COG3: variants seen among roughly 807,000 people sequenced by gnomAD.
COG3 encodes component of oligomeric golgi complex 3.
Under a neutral mutation model 114.1 loss-of-function variants are expected in COG3, and 32 were observed. The ratio of observed to expected loss-of-function variants is 0.28; its 90% confidence interval spans 0.21 to 0.38. The LOEUF is 0.38. COG3 is among the 10% of genes least tolerant of loss of function. The pLI is 1.00. For synonymous variants in COG3, 352 were observed against 365.7 expected (o/e 0.96, Z 0.43); for missense variants, 813 against 973.2 (o/e 0.84, Z 2.19).
intron 6 of COG3, 27 bp downstream of exon 6, chr13:45,482,500 T>A: frequency 8.9e-7 from 1 of 1,119,196 alleles, no homozygotes; most frequent in Non-Finnish European, 1.3e-6. Flanking sequence ...TTGCATGTTT[T>A]AAAGAAATCC....
At chr13:45,514,277 T>TA (rs1213091949) in intron 16 of COG3, among the ~76,000 whole-genome samples, 1 of 149,560 alleles carries the variant, frequency 6.7e-6, no homozygotes, top group African/African-American at 2.5e-5. Flanking sequence ...TCTTGTGCCT[T>TA]AGCCACCCAA....
intron 17 of COG3, among the ~76,000 whole-genome samples, chr13:45,517,399 T>G (rs918776020): frequency 5.3e-5 from 8 of 152,202 alleles, no homozygotes; most frequent in African/African-American, 1.9e-4. Flanking sequence ...TAAAACAGTT[T>G]GCTCTATTTC....
intron 22 of COG3, 104 bp from the exon 23 acceptor site, chr13:45,534,598 G>A: frequency 1.5e-6 from 1 of 670,830 alleles, no homozygotes. Context: ...TGTATTGCAT[G>A]ATGCTGAGGT....
chr13:45,465,388 C>T lies in COG3; in HGVS notation c.174+178C>T. ...CCCAGGCTGTCAGGCTTCGCTCTGC[C>T]TGCGACCCCGACTCTAATTCTGCCT... On this transcript the variant is annotated intron_variant, in intron 1 of 22. Coordinates refer to ENST00000349995, the MANE Select transcript of COG3 (RefSeq NM_031431.4). The T allele has an allele frequency of 2.8e-6, 3 of 1,087,566 alleles. No individual in the cohort carries two copies. In the South Asian group the frequency reaches 5.1e-5, roughly 18 times the overall value. 67.4% of individuals were successfully genotyped at this position (1,087,566 alleles called of 1,614,324 possible). A position where few individuals can be genotyped will look rare whatever the true frequency, so the allele number is the denominator to read the frequency against.
In COG3 at chr13:45,503,165, T is replaced by C. The variant is rs532491160; in HGVS notation, c.1489-79T>C. 10 of 536,260 alleles carry C rather than the reference T, an allele frequency of 1.9e-5. No homozygotes were observed. The East Asian group carries it at 3.7e-4, about 20-fold the overall frequency. 33.2% of individuals were successfully genotyped at this position (536,260 alleles called of 1,614,324 possible). A position where few individuals can be genotyped will look rare whatever the true frequency, so the allele number is the denominator to read the frequency against. ...ATGTCAAGTTGAAAATATATATATA[T>C]GTACTTTGTATAAAGAACATGTTCA... On this transcript the variant is annotated intron_variant, in intron 13 of 22. Coordinates refer to ENST00000349995, the MANE Select transcript of COG3 (RefSeq NM_031431.4).
At chr13:45,478,534 G>A (rs371959229) in intron 2 of COG3, among the ~76,000 whole-genome samples, 5 of 149,432 alleles carry the variant, frequency 3.3e-5, no homozygotes, top group African/African-American at 1.2e-4. Flanking sequence ...GTGCAATGGC[G>A]CGATCTCGGC....
At chr13:45,516,370 T>C (rs954526322) in intron 17 of COG3, 107 bp downstream of exon 17, 1 of 942,070 alleles carries the variant, frequency 1.1e-6, no homozygotes, top group African/African-American at 1.6e-5. Flanking sequence ...TTTGCATGCT[T>C]TGCTTGCTAA....
At chr13:45,465,248 G>A (rs750382407) in intron 1 of COG3, 38 bp downstream of exon 1, 5 of 1,604,020 alleles carry the variant, frequency 3.1e-6, no homozygotes, top group Non-Finnish European at 4.3e-6. Context: ...GGGCGATGGG[G>A]CTGGGATTCT....
chr13:45,506,489 A>T (rs148160955), intron 14 of COG3, among the ~76,000 whole-genome samples: 1 of 152,292 alleles, frequency 6.6e-6, no homozygotes, highest in East Asian at 1.9e-4. Flanking sequence ...AAAACTTTAG[A>T]GGTGGAACAG....
At chr13:45,529,964 T>A (rs1566275386) in intron 21 of COG3, 46 bp downstream of exon 21, 1 of 1,568,630 alleles carries the variant, frequency 6.4e-7, no homozygotes, top group Admixed American at 1.9e-5. Context: ...TGACTTCAAG[T>A]ATTCTTTGCC....
intron 14 of COG3, among the ~76,000 whole-genome samples, chr13:45,508,287 A>T (rs1870430996): frequency 1.3e-5 from 2 of 149,840 alleles, no homozygotes; most frequent in African/African-American, 4.9e-5. Flanking sequence ...TATTGAAAAC[A>T]TTCCAAATAT....
At chr13:45,478,451 T>C (rs1886040654) in intron 2 of COG3, among the ~76,000 whole-genome samples, 1 of 151,752 alleles carries the variant, frequency 6.6e-6, no homozygotes, top group African/African-American at 2.4e-5. Flanking sequence ...AGTGCTGAGA[T>C]TACAGGCGTG....
intron 19 of COG3, among the ~76,000 whole-genome samples, chr13:45,523,760 A>G (rs1271499390): frequency 6.6e-6 from 1 of 152,192 alleles, no homozygotes; most frequent in Non-Finnish European, 1.5e-5. Flanking sequence ...AATGACCAGA[A>G]TGTAGATTTA....
chr13:45,475,556 G>C (rs1396955603), intron 1 of COG3, among the ~76,000 whole-genome samples: 1 of 152,152 alleles, frequency 6.6e-6, no homozygotes, highest in Non-Finnish European at 1.5e-5. Flanking sequence ...TAGATACTGG[G>C]GAGGGCAAAC....
chr13:45,514,121 CATAGGCTT>C (rs932077274), intron 16 of COG3, among the ~76,000 whole-genome samples: 10 of 147,458 alleles, frequency 6.8e-5, no homozygotes, highest in African/African-American at 2.2e-4. Context: ...AAAAAAAGTT[CATAGGCTT>C]ATGTCCTCTT....
Position 45,479,056 on chromosome 13 carries a change from A to T in COG3, c.373A>T (p.Thr125Ser). Residue 125 changes from threonine (T) to serine (S), a missense_variant, in exon 3 of 23, where the codon ACT (threonine) becomes TCT (serine). Physicochemically the swap from Thr to Ser is moderately conservative, Grantham distance 58. This residue lies in a region of COG3 where 424 missense variants were observed against 430.6 expected (regional missense o/e 0.98). Transcript: ENST00000349995. ...LQTQMDQDEG[T>S]KYRQMRDYLS... is the part of the protein sequence containing the mutation. Reference sequence around the variant, plus strand: ...AACTCAGATGGATCAAGATGAAGGAACTAAATATAGGTATGTGTGTCTCTT... The same window carrying T: ...AACTCAGATGGATCAAGATGAAGGATCTAAATATAGGTATGTGTGTCTCTT... 1 of 1,608,360 alleles carries T rather than the reference A, an allele frequency of 6.2e-7. No homozygotes were observed.
chr13:45,474,251 G>A (rs1027785430), intron 1 of COG3, among the ~76,000 whole-genome samples: 4 of 141,350 alleles, frequency 2.8e-5, no homozygotes, highest in Non-Finnish European at 6.0e-5. Flanking sequence ...TTCACTTCCC[G>A]GGTTCATGCC....
intron 11 of COG3, among the ~76,000 whole-genome samples, chr13:45,492,523 G>A (rs1429976041): frequency 6.6e-6 from 1 of 151,968 alleles, no homozygotes; most frequent in African/African-American, 2.4e-5. Context: ...CTGTAGCCTC[G>A]GGATCTAGAT....
chr13:45,470,653 G>A (rs1041546883), intron 1 of COG3, among the ~76,000 whole-genome samples: 1 of 152,194 alleles, frequency 6.6e-6, no homozygotes, highest in African/African-American at 2.4e-5. Context: ...ATAGTATCTG[G>A]TGTCACAACT....
Sources: allele counts gnomAD v4.1 joint callset (sites outside exome capture counted in the v4.1 genomes callset), GRCh38; gene constraint gnomAD v4.1.1; regional missense constraint gnomAD v4.1.1; transcripts MANE v1.5; gene names NCBI Gene and HGNC (gene_info 2026-07-23, HGNC 2026-07-21).